The following DSCAM variants were observed in gnomAD, a reference collection of about 807,000 sequenced individuals.
The protein encoded by DSCAM is DS cell adhesion molecule.
Under a neutral mutation model 217.7 loss-of-function variants are expected in DSCAM, and 47 were observed. The observed-to-expected ratio is 0.22, with a 90% confidence interval of 0.17 to 0.28. The LOEUF (loss-of-function observed/expected upper bound fraction) is 0.28. Among genes scored for constraint, DSCAM ranks in the 10% least tolerant of loss-of-function variants. The pLI, the probability that DSCAM is intolerant of heterozygous loss-of-function variation, is 1.00. For missense variants in DSCAM, 2,080 were observed against 2,618.3 expected, an observed-to-expected ratio of 0.79 and a Z score of 4.49; for synonymous variants, 1,056 against 1,015.3, an observed-to-expected ratio of 1.04 and a Z score of -0.76.
intron 19 of DSCAM, among the ~76,000 whole-genome samples, chr21:40,125,228 A>G (rs1343381096): frequency 5.9e-5 from 9 of 152,188 alleles, no homozygotes; most frequent in Non-Finnish European, 1.3e-4. Flanking sequence ...AGCAATACTA[A>G]GCATGATTTG....
At chr21:40,651,516 T>C (rs926257866) in intron 3 of DSCAM, among the ~76,000 whole-genome samples, 1 of 152,168 alleles carries the variant, frequency 6.6e-6, no homozygotes, top group Non-Finnish European at 1.5e-5. Flanking sequence ...CCCATCTCGA[T>C]TATCTCATCA....
intron 1 of DSCAM, among the ~76,000 whole-genome samples, chr21:40,788,088 C>T (rs2091609288): frequency 6.6e-6 from 1 of 152,190 alleles, no homozygotes. Context: ...ACATGCTGTC[C>T]ACTTTCCTCG....
chr21:40,521,369 C>T (rs924389700), intron 3 of DSCAM, among the ~76,000 whole-genome samples: 4 of 152,270 alleles, frequency 2.6e-5, no homozygotes, highest in East Asian at 1.9e-4. Context: ...TTTTTATTCC[C>T]ACCCACAGTG....
Position 40,347,930 on chromosome 21 carries a change from G to C in DSCAM, c.950C>G (p.Thr317Ser). 1.2e-6 allele frequency: 2 copies of C among 1,612,416 alleles called. No individual in the cohort carries two copies. The highest frequency in any genetic ancestry group is 2.2e-5 in the South Asian group (2 of 91,058). The change falls in exon 6 of 33, where the codon ACC becomes AGC. Residue 317 changes from threonine (T) to serine (S), a missense_variant. By Grantham distance (58) the Thr-to-Ser change is moderately conservative. This residue lies in a region of DSCAM where 568 missense variants were observed against 678.1 expected (regional missense o/e 0.84). Transcript: ENST00000400454. ...RLYVKQPLKA[T>S]ISPRKVKSSV... The stretch of plus-strand genomic sequence containing the variant: ...GCTTTTAACCTTCCTGGGACTGATG[G>C]TGGCTTTCAGTGGCTCTGGAGGTTT...
At chr21:40,728,831 A>C (rs1421567330) in intron 1 of DSCAM, among the ~76,000 whole-genome samples, 2 of 152,184 alleles carry the variant, frequency 1.3e-5, no homozygotes, top group African/African-American at 2.4e-5. Context: ...TTATTCTTAC[A>C]GACTGCACTA....
intron 8 of DSCAM, among the ~76,000 whole-genome samples, chr21:40,335,335 G>C (rs2074419238): frequency 6.6e-6 from 1 of 152,114 alleles, no homozygotes; most frequent in African/African-American, 2.4e-5. Context: ...CAGAAGAAAA[G>C]AAGCTCCTGA....
At chr21:40,590,197 C>G (rs1171831199) in intron 3 of DSCAM, among the ~76,000 whole-genome samples, 2 of 152,206 alleles carry the variant, frequency 1.3e-5, no homozygotes, top group Non-Finnish European at 2.9e-5. Flanking sequence ...AGATTCATAT[C>G]CCAGGTCTGC....
intron 9 of DSCAM, among the ~76,000 whole-genome samples, chr21:40,297,822 T>C (rs1448784801): frequency 3.9e-5 from 6 of 152,214 alleles, no homozygotes; most frequent in African/African-American, 1.4e-4. Context: ...AAATAATGAC[T>C]ACCAGCATAA....
intron 3 of DSCAM, among the ~76,000 whole-genome samples, chr21:40,462,520 A>T (rs1162140787): frequency 6.6e-6 from 1 of 152,084 alleles, no homozygotes; most frequent in African/African-American, 2.4e-5. Context: ...TCTTTAAAAA[A>T]TTTTCACATC....
At chr21:40,053,093 G>A (rs547749256) in intron 29 of DSCAM, among the ~76,000 whole-genome samples, 97 of 152,288 alleles carry the variant, frequency 6.4e-4, no homozygotes, top group Middle Eastern at 3.4e-3. Flanking sequence ...ACAGGGATGC[G>A]AAAGTCGTAA....
Position 40,241,854 on chromosome 21 carries a change from G to A in DSCAM, c.2356+34243C>T, listed in dbSNP as rs1407854234. On this transcript the variant is annotated intron_variant, in intron 11 of 32. Transcript: ENST00000400454. ...AGATCACGTCTTTTGTAGGGACATC[G>A]ATGGAGTTGAAGGCCATTATCTTTA... is the stretch of plus-strand genomic sequence containing the variant. 3.3e-5 allele frequency among the ~76,000 whole-genome samples: 5 copies of A among 152,214 alleles called. No homozygotes were observed. In the East Asian group the frequency reaches 5.8e-4, roughly 18 times the overall value.
chr21:40,049,662 T>C (rs923016946), intron 30 of DSCAM, among the ~76,000 whole-genome samples: 6 of 152,272 alleles, frequency 3.9e-5, no homozygotes, highest in African/African-American at 1.4e-4. Context: ...CCTGAATAAA[T>C]ACTTTTGAGT....
intron 10 of DSCAM, 140 bp downstream of exon 10, chr21:40,295,915 G>T: frequency 9.5e-7 from 1 of 1,057,582 alleles, no homozygotes; most frequent in African/African-American, 1.6e-5. Flanking sequence ...GAATGTCTAT[G>T]AGAGAATGAT....
At chr21:40,585,235 A>C (rs2091788785) in intron 3 of DSCAM, among the ~76,000 whole-genome samples, 1 of 151,424 alleles carries the variant, frequency 6.6e-6, no homozygotes, top group Non-Finnish European at 1.5e-5. Flanking sequence ...CAGCAATGTA[A>C]AATGGACTAA....
chr21:40,079,768 C>T (rs745370283), intron 25 of DSCAM, among the ~76,000 whole-genome samples: 2 of 151,568 alleles, frequency 1.3e-5, no homozygotes, highest in Admixed American at 6.6e-5. Context: ...CTCTGAAAAG[C>T]GGTGGCTATG....
At chr21:40,437,964 G>A (rs1428349913) in intron 3 of DSCAM, among the ~76,000 whole-genome samples, 1 of 152,230 alleles carries the variant, frequency 6.6e-6, no homozygotes, top group Non-Finnish European at 1.5e-5. Flanking sequence ...TAGCCTCACA[G>A]GTCTCAGTCT....
intron 3 of DSCAM, among the ~76,000 whole-genome samples, chr21:40,665,514 C>A (rs73905037): frequency 0.047 from 7,154 of 152,268 alleles, 494 homozygotes; most frequent in African/African-American, 0.15. Flanking sequence ...TAAAGGACAA[C>A]TTGTCACTTT....
intron 3 of DSCAM, among the ~76,000 whole-genome samples, chr21:40,669,819 C>T (rs2090250964): frequency 6.6e-6 from 1 of 152,048 alleles, no homozygotes; most frequent in Non-Finnish European, 1.5e-5. Flanking sequence ...AATCTGCCCG[C>T]CTAGGCCTCC....
At chr21:40,844,286 AC>A (rs1402518811) in intron 1 of DSCAM, among the ~76,000 whole-genome samples, 2 of 152,196 alleles carry the variant, frequency 1.3e-5, no homozygotes, top group Non-Finnish European at 2.9e-5. Flanking sequence ...TGTAATGAAC[AC>A]CATACCTTAG....
Sources: gnomAD v4.1 joint callset for allele counts (sites outside exome capture counted in the v4.1 genomes callset) on GRCh38, gnomAD v4.1.1 for gene constraint, gnomAD v4.1.1 regional missense constraint, MANE v1.5 for transcripts, NCBI Gene and HGNC (gene_info 2026-07-23, HGNC 2026-07-21) for gene names.